BBS9: variants seen among roughly 807,000 people sequenced by gnomAD.
BBS9 encodes Bardet-Biedl syndrome 9, also known as protein PTHB1.
Under a neutral mutation model 117.7 loss-of-function variants are expected in BBS9, and 89 were observed. The observed-to-expected ratio is 0.76, with a 90% CI of 0.64 to 0.90. BBS9 has a LOEUF of 0.90. Ranked by LOEUF, BBS9 falls within the 40% of genes least tolerant of loss-of-function variation. The pLI is 0.00. For missense variants in BBS9, 982 were observed against 1,042.2 expected (o/e 0.94, Z 0.80); for synonymous variants, 379 against 370.9 (o/e 1.02, Z -0.25).
At chr7:33,511,196 A>G (rs1337709035) in intron 20 of BBS9, among the ~76,000 whole-genome samples, 3 of 152,110 alleles carry the variant, frequency 2.0e-5, no homozygotes, top group Non-Finnish European at 4.4e-5. Context: ...TAGAGTTGGT[A>G]TGTAGATGAA....
intron 21 of BBS9, among the ~76,000 whole-genome samples, chr7:33,573,256 C>G (rs1461562371): frequency 6.6e-6 from 1 of 152,028 alleles, no homozygotes; most frequent in Admixed American, 6.6e-5. Context: ...AAACCAGTAT[C>G]TGAGTAGTAG....
chr7:33,551,814 T>C (rs552852739), intron 21 of BBS9, among the ~76,000 whole-genome samples: 33 of 152,320 alleles, frequency 2.2e-4, no homozygotes, highest in African/African-American at 7.9e-4. Context: ...ATCTTTCTTA[T>C]GACTTTTTTT....
At chr7:33,329,109 C>T (rs1488230982) in intron 9 of BBS9, among the ~76,000 whole-genome samples, 2 of 152,070 alleles carry the variant, frequency 1.3e-5, no homozygotes, top group African/African-American at 4.8e-5. Flanking sequence ...CAACCTCCGC[C>T]TCCCGGATTC....
chr7:33,184,755 G>A (rs2128179421), intron 5 of BBS9, among the ~76,000 whole-genome samples: 1 of 152,238 alleles, frequency 6.6e-6, no homozygotes, highest in Admixed American at 6.5e-5. Context: ...CCCCCAGACA[G>A]GGTTCTTGGA....
intron 5 of BBS9, among the ~76,000 whole-genome samples, chr7:33,242,419 C>G (rs1010981214): frequency 6.6e-6 from 1 of 152,078 alleles, no homozygotes; most frequent in Non-Finnish European, 1.5e-5. Flanking sequence ...TACTGTATCT[C>G]ATTTGAGAGC....
rs189059707 is a variant in BBS9, at chr7:33,577,022, G to A, written c.2522-27843G>A. ...AGGACTTCATGACTAAAACACCAAA[G>A]CAATGGCAACAAAAGCCAAAATAGA... On this transcript the variant is annotated intron_variant, in intron 21 of 22. Coordinates refer to ENST00000242067, the MANE Select transcript of BBS9 (RefSeq NM_198428.3). Among the ~76,000 whole-genome samples, 10 of 152,250 alleles carry A rather than the reference G, an allele frequency of 6.6e-5. No homozygotes were observed. In the East Asian group the frequency reaches 1.7e-3, roughly 27 times the overall value.
chr7:33,595,362 A>C (rs1862570283), intron 21 of BBS9, among the ~76,000 whole-genome samples: 2 of 152,196 alleles, frequency 1.3e-5, no homozygotes, highest in African/African-American at 4.8e-5. Context: ...CAACCCCATC[A>C]AAAAGTGGGC....
chr7:33,516,413 C>T (rs568520375), intron 20 of BBS9, among the ~76,000 whole-genome samples: 1 of 139,240 alleles, frequency 7.2e-6, no homozygotes, highest in African/African-American at 2.7e-5. Flanking sequence ...CACTGGAACC[C>T]GGGAGGCAGA....
At chr7:33,480,009 C>G (rs1230622896) in intron 19 of BBS9, among the ~76,000 whole-genome samples, 3 of 151,944 alleles carry the variant, frequency 2.0e-5, no homozygotes, top group African/African-American at 7.3e-5. Flanking sequence ...CTGTCTTTTT[C>G]AAAGGATTTC....
At chr7:33,403,584 C>T (rs376094984) in intron 19 of BBS9, among the ~76,000 whole-genome samples, 2 of 149,650 alleles carry the variant, frequency 1.3e-5, no homozygotes, top group African/African-American at 4.9e-5. Context: ...TTTGTCCTTG[C>T]GATAGTTTAC....
chr7:33,147,499 C>T (rs918174323), intron 2 of BBS9, among the ~76,000 whole-genome samples: 2 of 151,994 alleles, frequency 1.3e-5, no homozygotes, highest in African/African-American at 4.8e-5. Flanking sequence ...AAAATTTGGT[C>T]CCTGATTTTC....
At chr7:33,583,422 A>G (rs1860345340) in intron 21 of BBS9, among the ~76,000 whole-genome samples, 5 of 151,786 alleles carry the variant, frequency 3.3e-5, no homozygotes, top group Admixed American at 3.3e-4. Context: ...TTCTCTTTAT[A>G]TATATATTTC....
chr7:33,382,109 A>G (rs534271103), intron 17 of BBS9, among the ~76,000 whole-genome samples: 1 of 152,154 alleles, frequency 6.6e-6, no homozygotes, highest in Non-Finnish European at 1.5e-5. Context: ...TGCATAATAG[A>G]TGGTCAATAA....
intron 7 of BBS9, among the ~76,000 whole-genome samples, chr7:33,269,187 T>C (rs1001012204): frequency 1.3e-5 from 2 of 152,220 alleles, no homozygotes; most frequent in African/African-American, 4.8e-5. Flanking sequence ...AGTAGATGAA[T>C]ACCTAAGATC....
At chr7:33,624,647 C>T (rs368874692) in intron 21 of BBS9, among the ~76,000 whole-genome samples, 268 of 152,206 alleles carry the variant, frequency 1.8e-3, no homozygotes, top group African/African-American at 6.1e-3. Context: ...GTAACAACAG[C>T]GCAATAGTAC....
At chr7:33,466,136 CAGTT>C (rs1018115413) in intron 19 of BBS9, among the ~76,000 whole-genome samples, 55 of 152,202 alleles carry the variant, frequency 3.6e-4, no homozygotes, top group African/African-American at 1.3e-3. Flanking sequence ...CATCAACTCA[CAGTT>C]AGATTTTTTT....
At chr7:33,615,405 T>A (rs1865080806) in intron 21 of BBS9, among the ~76,000 whole-genome samples, 2 of 152,082 alleles carry the variant, frequency 1.3e-5, no homozygotes, top group Admixed American at 1.3e-4. Flanking sequence ...ATGAAAATTC[T>A]AAGAATTAAG....
chr7:33,365,053 A>G (rs964478328), intron 16 of BBS9, among the ~76,000 whole-genome samples: 38 of 147,612 alleles, frequency 2.6e-4, no homozygotes, highest in Admixed American at 2.0e-4. Context: ...CAGCTCCAAA[A>G]CTTGTTATTC....
intron 5 of BBS9, among the ~76,000 whole-genome samples, chr7:33,216,850 C>G (rs542591616): frequency 3.3e-5 from 5 of 152,262 alleles, no homozygotes; most frequent in Admixed American, 3.3e-4. Context: ...AATCCCAATA[C>G]TTTGGGAGGC....
Sources: allele counts gnomAD v4.1 joint callset (sites outside exome capture counted in the v4.1 genomes callset), GRCh38; gene constraint gnomAD v4.1.1; transcripts MANE v1.5; gene names NCBI Gene and HGNC (gene_info 2026-07-23, HGNC 2026-07-21).